LIMCH1: variants seen among roughly 807,000 people sequenced by gnomAD.
LIMCH1 encodes the protein LIM and calponin homology domains 1, also known as LIM and calponin homology domains-containing protein 1.
LIMCH1 carries 113 observed loss-of-function variants against 176.5 expected under a neutral mutation model. The ratio of observed to expected loss-of-function variants is 0.64; its 90% CI spans 0.55 to 0.75. The LOEUF (loss-of-function observed/expected upper bound fraction) is 0.75, where lower values mean the gene tolerates loss of function less well. Among genes scored for constraint, LIMCH1 ranks in the 30% least tolerant of loss-of-function variants. The pLI, the probability that LIMCH1 is intolerant of heterozygous loss-of-function variation, is 0.00. For synonymous variants in LIMCH1, 619 were observed against 645.9 expected, an observed-to-expected ratio of 0.96 and a Z score of 0.63; for missense variants, 1,674 against 1,814.9, an observed-to-expected ratio of 0.92 and a Z score of 1.41.
In LIMCH1 at chr4:41,650,915, G is replaced by A. The variant is rs149170060; in HGVS notation, c.3036+307G>A. 5.3e-5 allele frequency among the ~76,000 whole-genome samples: 8 copies of A among 152,236 alleles called. No individual in the cohort carries two copies. In the East Asian group the frequency reaches 1.5e-3, roughly 29 times the overall value. On this transcript the variant is annotated intron_variant, in intron 18 of 31. Coordinates refer to ENST00000503057, the MANE Select transcript of LIMCH1 (RefSeq NM_001330672.2). ...CTGCTGGCAATCTTGATGTTCCTGG[G>A]CTTATGGATGTGTCATCCCCCTCTC... is the stretch of plus-strand genomic sequence containing the variant.
At chr4:41,417,880 T>A (rs1427405269) in intron 1 of LIMCH1, among the ~76,000 whole-genome samples, 3 of 152,338 alleles carry the variant, frequency 2.0e-5, no homozygotes, top group Middle Eastern at 3.4e-3. Flanking sequence ...GAGCATGTAT[T>A]ATTTTATATT....
rs185458880 is a variant in LIMCH1 at position 41,387,889 on chromosome 4, C to T, written c.96+26953C>T. ...CTTTGGGAGGCTGAGGCGGGTGGAT[C>T]ACCTGAGCTCAGGAGTTTGAGACCA... On this transcript the variant is annotated intron_variant, in intron 1 of 26. Transcript: ENST00000313860. Among the ~76,000 whole-genome samples, 64 of 152,302 alleles carry T rather than the reference C, an allele frequency of 4.2e-4. No individual in the cohort carries two copies. In the East Asian group the frequency reaches 8.9e-3, roughly 21 times the overall value.
chr4:41,528,231 A>C (rs1372242689), intron 3 of LIMCH1, among the ~76,000 whole-genome samples: 3 of 152,076 alleles, frequency 2.0e-5, no homozygotes, highest in African/African-American at 7.2e-5. Context: ...GGAAGGAAGG[A>C]AGGGAGAGAG....
chr4:41,628,023 G>A (rs1441955847), intron 8 of LIMCH1, among the ~76,000 whole-genome samples: 1 of 152,156 alleles, frequency 6.6e-6, no homozygotes, highest in Non-Finnish European at 1.5e-5. Flanking sequence ...AGGGATTCCT[G>A]GATATAGAAC....
At chr4:41,382,526 T>C (rs78518700) in intron 1 of LIMCH1, among the ~76,000 whole-genome samples, 6 of 152,068 alleles carry the variant, frequency 3.9e-5, no homozygotes, top group Non-Finnish European at 8.8e-5. Context: ...AGTAGTTCAG[T>C]TGATGCATAC....
chr4:41,605,906 A>G lies in LIMCH1; in HGVS notation c.-90A>G, dbSNP rs202246733. On this transcript the variant is annotated 5_prime_UTR_variant, in exon 4 of 32. Coordinates refer to ENST00000503057, the MANE Select transcript of LIMCH1 (RefSeq NM_001330672.2). ...TTTTGTTCCACAGGTATTAGTTACCATTTACTGGCTGGGAAAAGCAGCAAA... is the reference window on the plus strand; with the variant it reads ...TTTTGTTCCACAGGTATTAGTTACCGTTTACTGGCTGGGAAAAGCAGCAAA... 10 of 1,612,588 alleles carry G rather than the reference A, an allele frequency of 6.2e-6. No homozygotes were observed. Among genetic ancestry groups the G allele is most frequent in the Non-Finnish European group, 8.5e-6 (10 of 1,178,764 alleles).
chr4:41,372,639 C>T (rs1051325501), intron 1 of LIMCH1, among the ~76,000 whole-genome samples: 1 of 152,164 alleles, frequency 6.6e-6, no homozygotes, highest in African/African-American at 2.4e-5. Context: ...TATCTGCTAT[C>T]AGAAGACCTT....
chr4:41,425,393 C>G (rs569101651), intron 1 of LIMCH1, among the ~76,000 whole-genome samples: 13 of 152,314 alleles, frequency 8.5e-5, no homozygotes, highest in African/African-American at 2.9e-4. Flanking sequence ...GTTGCCCAGG[C>G]TGGAATGCAG....
At position 41,516,180 on chromosome 4, in the gene LIMCH1, T is replaced by C. The variant is rs911236344; in HGVS notation, c.168-8229T>C. Among the ~76,000 whole-genome samples, 4 of 152,014 alleles carry C rather than the reference T, an allele frequency of 2.6e-5. No homozygotes were observed. In the East Asian group the frequency reaches 7.7e-4, roughly 29 times the overall value. On this transcript the variant is annotated intron_variant, in intron 2 of 26. Transcript: ENST00000313860. ...GAGAGTCTTGAGTGGGAAAGGCAAT[T>C]TGGGGGTGATTGGGCTTGATTACCA...
intron 7 of LIMCH1, among the ~76,000 whole-genome samples, chr4:41,622,055 T>C (rs1210964459): frequency 6.6e-6 from 1 of 152,138 alleles, no homozygotes; most frequent in Non-Finnish European, 1.5e-5. Context: ...TCTGAACACG[T>C]ATGTGCTTCT....
chr4:41,685,864 C>A, intron 28 of LIMCH1, 34 bp downstream of exon 28: 1 of 1,595,804 alleles, frequency 6.3e-7, no homozygotes, highest in Non-Finnish European at 8.5e-7. Flanking sequence ...GTGGGATTCC[C>A]TTTTTTAAAA....
chr4:41,436,083 C>G (rs913641648), intron 1 of LIMCH1, among the ~76,000 whole-genome samples: 2 of 152,130 alleles, frequency 1.3e-5, no homozygotes, highest in Admixed American at 6.5e-5. Context: ...TCTAATAAAG[C>G]TCATAGAGCC....
chr4:41,371,457 T>C (rs975377313), intron 1 of LIMCH1, among the ~76,000 whole-genome samples: 16 of 152,168 alleles, frequency 1.1e-4, no homozygotes, highest in Non-Finnish European at 2.2e-4. Flanking sequence ...CCCCAGTCTT[T>C]TTCTCCTTGA....
At chr4:41,464,465 C>T (rs762768951) in intron 1 of LIMCH1, among the ~76,000 whole-genome samples, 2 of 151,414 alleles carry the variant, frequency 1.3e-5, no homozygotes, top group Non-Finnish European at 2.9e-5. Context: ...CAATCTCCGC[C>T]TCCCAGGTTC....
chr4:41,632,226 C>G (rs1020395715), intron 10 of LIMCH1, among the ~76,000 whole-genome samples: 1 of 152,162 alleles, frequency 6.6e-6, no homozygotes, highest in African/African-American at 2.4e-5. Context: ...CCTCCATTCC[C>G]TCTGTACAGC....
intron 1 of LIMCH1, among the ~76,000 whole-genome samples, chr4:41,411,741 A>G (rs1404189848): frequency 6.6e-6 from 1 of 151,858 alleles, no homozygotes; most frequent in South Asian, 2.1e-4. Flanking sequence ...CGGGCAGATC[A>G]TGAGGTCAGG....
chr4:41,610,046 C>T (rs1293416264), intron 4 of LIMCH1, among the ~76,000 whole-genome samples: 1 of 152,248 alleles, frequency 6.6e-6, no homozygotes, highest in African/African-American at 2.4e-5. Context: ...ACTGTTCAAA[C>T]TGGCCATGCC....
rs991649075 is a variant in LIMCH1, at chr4:41,521,173, A to G, written c.168-3236A>G. On this transcript the variant is annotated intron_variant, in intron 2 of 26. Coordinates refer to the LIMCH1 transcript ENST00000313860. Reference sequence around the variant, plus strand: ...GTGTTTTGTCTCGAATTATGCTTTGATGACACATACTGAGGTTGGACTTTC... The same window carrying G: ...GTGTTTTGTCTCGAATTATGCTTTGGTGACACATACTGAGGTTGGACTTTC... Among the ~76,000 whole-genome samples, 3 of 152,134 alleles carry G rather than the reference A, an allele frequency of 2.0e-5. No homozygotes were observed. The South Asian group carries it at 6.2e-4, about 32-fold the overall frequency.
chr4:41,447,936 A>G (rs996935288), intron 1 of LIMCH1, among the ~76,000 whole-genome samples: 7 of 152,268 alleles, frequency 4.6e-5, no homozygotes, highest in East Asian at 3.9e-4. Context: ...GATTACAGGC[A>G]TGCACCACCA....
Sources: allele counts gnomAD v4.1 joint callset (sites outside exome capture counted in the v4.1 genomes callset), GRCh38; gene constraint gnomAD v4.1.1; transcripts MANE v1.5; gene names NCBI Gene and HGNC (gene_info 2026-07-23, HGNC 2026-07-21).